The following DUSP22 variants were observed in gnomAD, a reference collection of about 807,000 sequenced individuals.
DUSP22 encodes the protein dual specificity protein phosphatase 22.
DUSP22 carries 24 observed loss-of-function variants against 24.5 expected under a neutral mutation model. That is an observed-to-expected ratio of 0.98 (90% CI 0.71 to 1.38). The LOEUF (loss-of-function observed/expected upper bound fraction) is 1.38, where lower values mean the gene tolerates loss of function less well. DUSP22 is among the 40% of genes most tolerant of loss of function. DUSP22 has a pLI of 0.00. For synonymous variants in DUSP22, 160 were observed against 106.4 expected, an observed-to-expected ratio of 1.50 and a Z score of -3.10; for missense variants, 330 against 269.2, an observed-to-expected ratio of 1.23 and a Z score of -1.58.
At chr6:326,521 CCGCGTCCTGGTGTG>C (rs1758882320) in intron 3 of DUSP22, among the ~76,000 whole-genome samples, 1 of 111,438 alleles carries the variant, frequency 9.0e-6, no homozygotes, top group African/African-American at 3.0e-5. Context: ...CCCTGGGCTT[CCGCGTCCTGGTGTG>C]TGCAGTGCTG....
chr6:304,336 G>T (rs1460859240), intron 1 of DUSP22, among the ~76,000 whole-genome samples: 1 of 152,310 alleles, frequency 6.6e-6, no homozygotes, highest in Non-Finnish European at 1.5e-5. Flanking sequence ...GCCAGGGTGG[G>T]CAGGCGGGGC....
chr6:338,499 T>C (rs879854857), intron 4 of DUSP22, among the ~76,000 whole-genome samples: 10 of 152,298 alleles, frequency 6.6e-5, no homozygotes, highest in Non-Finnish European at 1.2e-4. Flanking sequence ...AATCAACTTT[T>C]GCTTTCTGTA....
At chr6:301,593 A>G (rs1581144559) in intron 1 of DUSP22, among the ~76,000 whole-genome samples, 1 of 152,416 alleles carries the variant, frequency 6.6e-6, no homozygotes, top group South Asian at 2.1e-4. Flanking sequence ...AGTGTTTACT[A>G]CTGTAACCCC....
chr6:298,875 T>A (rs1757457189), intron 1 of DUSP22, among the ~76,000 whole-genome samples: 1 of 145,504 alleles, frequency 6.9e-6, no homozygotes, highest in South Asian at 2.2e-4. Context: ...TGCTGCAAGA[T>A]CAGTCCGAAA....
In DUSP22 at chr6:348,261, A is replaced by C; in HGVS notation, c.422A>C (p.His141Pro). ...FQRQLQEFEK[H>P]EVHQYRQWLK... The stretch of plus-strand genomic sequence containing the variant: ...AGACAGCTCCAGGAGTTTGAGAAGC[A>C]TGAGGTCCATCAGGTAAGCAGTTCT... The change falls in exon 6 of 7, where the codon CAT becomes CCT. Residue 141 changes from histidine (H) to proline (P), a missense_variant. Coordinates refer to ENST00000419235, the MANE Select transcript of DUSP22 (RefSeq NM_001286555.3). 6.2e-7 allele frequency: 1 copy of C among 1,614,298 alleles called. No homozygotes were observed. The highest frequency in any genetic ancestry group is 8.5e-7 in the Non-Finnish European group (1 of 1,180,052).
intron 3 of DUSP22, among the ~76,000 whole-genome samples, chr6:327,246 T>G (rs1371797981): frequency 1.3e-5 from 2 of 152,294 alleles, no homozygotes; most frequent in Admixed American, 6.5e-5. Flanking sequence ...ATGCCCAGCA[T>G]CTTTGCCTTG....
At chr6:344,884 C>T (rs967311918) in intron 4 of DUSP22, among the ~76,000 whole-genome samples, 1 of 152,428 alleles carries the variant, frequency 6.6e-6, no homozygotes, top group South Asian at 2.1e-4. Flanking sequence ...ACGACGTGGT[C>T]ACCTTCCTCA....
At chr6:335,945 T>C (rs200638004) in intron 4 of DUSP22, among the ~76,000 whole-genome samples, 4,069 of 151,234 alleles carry the variant, frequency 0.027, 4 homozygotes, top group East Asian at 0.1. Context: ...TATAGAGAGA[T>C]TCATAATTGT....
chr6:321,912 G>C (rs1017008998), intron 3 of DUSP22, among the ~76,000 whole-genome samples: 4 of 152,304 alleles, frequency 2.6e-5, no homozygotes, highest in African/African-American at 9.6e-5. Context: ...CCAGGAAACA[G>C]AGCTGGGTGG....
intron 4 of DUSP22, among the ~76,000 whole-genome samples, chr6:343,799 T>C (rs113073940): frequency 7.5e-3 from 1,141 of 152,124 alleles, no homozygotes; most frequent in Middle Eastern, 0.028. Context: ...CTGCAGTCAG[T>C]ACCTGGGTGA....
chr6:309,751 C>T (rs1757986650), intron 2 of DUSP22, among the ~76,000 whole-genome samples: 1 of 152,246 alleles, frequency 6.6e-6, no homozygotes, highest in Non-Finnish European at 1.5e-5. Flanking sequence ...CCTTGTAATT[C>T]CGTCTCTGAG....
chr6:314,877 C>G (rs1758271943), intron 3 of DUSP22, among the ~76,000 whole-genome samples: 1 of 152,276 alleles, frequency 6.6e-6, no homozygotes, highest in South Asian at 2.1e-4. Context: ...TAGATTGGAC[C>G]CCATTATTTG....
chr6:304,771 G>C (rs1357843095), intron 2 of DUSP22, 110 bp downstream of exon 2: 8 of 1,467,758 alleles, frequency 5.5e-6, no homozygotes, highest in African/African-American at 4.1e-5. Context: ...TTGCATTGCT[G>C]TGCAGCCATC....
At chr6:323,601 A>G (rs1395848411) in intron 3 of DUSP22, among the ~76,000 whole-genome samples, 2 of 152,420 alleles carry the variant, frequency 1.3e-5, no homozygotes, top group East Asian at 1.9e-4. Context: ...CAGTGCAAGG[A>G]GAGGACGCGG....
intron 1 of DUSP22, among the ~76,000 whole-genome samples, chr6:303,440 C>G (rs562060364): frequency 6.6e-6 from 1 of 152,302 alleles, no homozygotes; most frequent in East Asian, 1.9e-4. Flanking sequence ...CCTGCAATCA[C>G]TAGACATGAG....
At chr6:306,308 A>G (rs1291527440) in intron 2 of DUSP22, among the ~76,000 whole-genome samples, 2 of 152,306 alleles carry the variant, frequency 1.3e-5, no homozygotes. Flanking sequence ...AACACTTCTG[A>G]CAACAGTATG....
chr6:349,707 C>T lies in DUSP22; in HGVS notation c.*756C>T. The T allele has an allele frequency of 4.1e-6, 4 of 986,052 alleles. No individual in the cohort carries two copies. The highest frequency in any genetic ancestry group is 4.8e-6 in the Non-Finnish European group (4 of 830,312). The allele number at this position is 986,052 out of a possible 1,614,324, so 61.1% of individuals were successfully genotyped here. On this transcript the variant is annotated 3_prime_UTR_variant, in exon 7 of 7. Coordinates refer to ENST00000419235, the MANE Select transcript of DUSP22 (RefSeq NM_001286555.3). ...CATTTAAGGGAAGTATCTTAGATTGCCTCCATCTCAATGTGAATGCACCAG... is the reference window on the plus strand; with the variant it reads ...CATTTAAGGGAAGTATCTTAGATTGTCTCCATCTCAATGTGAATGCACCAG...
chr6:303,108 C>T (rs1027548154), intron 1 of DUSP22, among the ~76,000 whole-genome samples: 1 of 152,306 alleles, frequency 6.6e-6, no homozygotes, highest in African/African-American at 2.4e-5. Flanking sequence ...TCTCTAGTGT[C>T]TACTGCCACA....
At chr6:308,200 C>T (rs950873921) in intron 2 of DUSP22, among the ~76,000 whole-genome samples, 1 of 152,010 alleles carries the variant, frequency 6.6e-6, no homozygotes, top group African/African-American at 2.4e-5. Flanking sequence ...ATGTTGAGCA[C>T]CAAAGCGCTA....
Sources: gnomAD v4.1 joint callset for allele counts (sites outside exome capture counted in the v4.1 genomes callset) on GRCh38, gnomAD v4.1.1 for gene constraint, MANE v1.5 for transcripts, NCBI Gene and HGNC (gene_info 2026-07-23, HGNC 2026-07-21) for gene names.